Variants in HLCS observed in about 807,000 individuals in gnomAD.
HLCS encodes holocarboxylase synthetase.
HLCS carries 53 observed loss-of-function variants against 75.0 expected under a neutral mutation model. That is an observed-to-expected ratio of 0.71 (90% confidence interval 0.57 to 0.89). The LOEUF is 0.89. Ranked by LOEUF, HLCS falls within the 40% of genes least tolerant of loss-of-function variation. The pLI, the probability that HLCS is intolerant of heterozygous loss-of-function variation, is 0.00. For missense variants in HLCS, 966 were observed against 1,074.0 expected (o/e 0.90, Z 1.41); for synonymous variants, 431 against 428.6 (o/e 1.01, Z -0.07).
chr21:36,959,354 G>A (rs75919489), intron 2 of HLCS, among the ~76,000 whole-genome samples: 46 of 152,336 alleles, frequency 3.0e-4, no homozygotes, highest in East Asian at 2.9e-3. Context: ...TCTGGACCAC[G>A]AGGATGGGAG....
At chr21:36,866,447 T>C (rs1031769564) in intron 6 of HLCS, among the ~76,000 whole-genome samples, 19 of 152,212 alleles carry the variant, frequency 1.2e-4, no homozygotes, top group African/African-American at 4.6e-4. Flanking sequence ...CGTAAAAGAC[T>C]GGTGTAAAAA....
chr21:36,799,587 G>C (rs1460988162), intron 6 of HLCS, among the ~76,000 whole-genome samples: 1 of 152,222 alleles, frequency 6.6e-6, no homozygotes, highest in African/African-American at 2.4e-5. Flanking sequence ...TAAGGCAGGG[G>C]ACTAAGGGAC....
At chr21:36,956,504 A>G (rs1465797289) in intron 2 of HLCS, among the ~76,000 whole-genome samples, 6 of 152,088 alleles carry the variant, frequency 3.9e-5, no homozygotes, top group East Asian at 1.9e-4. Flanking sequence ...CGAGGTGGGC[A>G]AATCACAAGG....
At chr21:36,849,077 C>T (rs537091853) in intron 6 of HLCS, among the ~76,000 whole-genome samples, 20 of 152,256 alleles carry the variant, frequency 1.3e-4, no homozygotes, top group Non-Finnish European at 2.4e-4. Context: ...AAATCTAATC[C>T]TAAAATAATA....
chr21:36,934,506 A>G (rs551610615), intron 4 of HLCS, among the ~76,000 whole-genome samples: 2 of 152,344 alleles, frequency 1.3e-5, no homozygotes, highest in South Asian at 4.1e-4. Context: ...TTCATGGCAA[A>G]TTCCTGGTCC....
chr21:36,897,096 T>A lies in HLCS; in HGVS notation c.1656A>T (p.Lys552Asn). 6.2e-7 allele frequency: 1 copy of A among 1,614,124 alleles called. No homozygotes were observed. ...TTATTTCTCCCTCGGAGTCCACATG[T>A]TTCCCAAGCCACTGCATAAGAGGAT... is the stretch of plus-strand genomic sequence containing the variant. ...IRDPLMQWLG[K>N]HVDSEGEIKS... is the part of the protein sequence containing the mutation. The change falls in exon 6 of 11, where the codon AAA (lysine) becomes AAT (asparagine). Residue 552 changes from lysine to asparagine, a missense_variant. Lys to Asn is a moderately conservative substitution (Grantham distance 94, BLOSUM62 0). Coordinates refer to ENST00000674895, the MANE Select transcript of HLCS (RefSeq NM_001352514.2).
intron 1 of HLCS, among the ~76,000 whole-genome samples, chr21:36,966,239 G>A (rs1329413310): frequency 6.6e-6 from 1 of 152,166 alleles, no homozygotes; most frequent in Non-Finnish European, 1.5e-5. Flanking sequence ...GCCGGGAAGA[G>A]GCGACCGGGT....
chr21:36,972,689 T>G (rs1010754224), intron 1 of HLCS, among the ~76,000 whole-genome samples: 4 of 152,178 alleles, frequency 2.6e-5, no homozygotes, highest in African/African-American at 9.7e-5. Flanking sequence ...CTATGCATAT[T>G]TTTGGTCTTA....
intron 6 of HLCS, among the ~76,000 whole-genome samples, chr21:36,779,456 C>A (rs2060462863): frequency 6.6e-6 from 1 of 152,150 alleles, no homozygotes; most frequent in Non-Finnish European, 1.5e-5. Flanking sequence ...CCACAAGGTT[C>A]ATTCTAGCCC....
At chr21:36,835,336 T>TC (rs1157860236) in intron 6 of HLCS, among the ~76,000 whole-genome samples, 1 of 152,188 alleles carries the variant, frequency 6.6e-6, no homozygotes, top group African/African-American at 2.4e-5. Context: ...GCAAAAGCAA[T>TC]AATCATAACT....
At chr21:36,970,119 T>C (rs908814451), upstream of HLCS, among the ~76,000 whole-genome samples, 1 of 152,248 alleles carries the variant, frequency 6.6e-6, no homozygotes, top group African/African-American at 2.4e-5. Context: ...ATTAAATACA[T>C]GGCAGAACTT....
intron 2 of HLCS, among the ~76,000 whole-genome samples, chr21:36,959,385 G>A (rs1008971351): frequency 2.0e-5 from 3 of 152,230 alleles, no homozygotes; most frequent in African/African-American, 4.8e-5. Flanking sequence ...GAGGGGCTGA[G>A]GACGGCTGGT....
intron 6 of HLCS, among the ~76,000 whole-genome samples, chr21:36,870,019 T>A (rs1308979879): frequency 1.3e-5 from 2 of 152,216 alleles, no homozygotes; most frequent in African/African-American, 4.8e-5. Context: ...ACCTTTGAAT[T>A]GCAAAGAATC....
At chr21:36,855,999 G>A (rs1051909720) in intron 6 of HLCS, among the ~76,000 whole-genome samples, 15 of 152,122 alleles carry the variant, frequency 9.9e-5, no homozygotes, top group African/African-American at 3.4e-4. Context: ...CCATAGCTAT[G>A]AAATGTCCAG....
intron 6 of HLCS, among the ~76,000 whole-genome samples, chr21:36,786,000 A>G (rs991873242): frequency 1.1e-4 from 17 of 152,182 alleles, no homozygotes; most frequent in Admixed American, 9.2e-4. Flanking sequence ...AGCTGCAGGT[A>G]TCGACTACAG....
At chr21:36,856,773 C>A (rs916974243) in intron 6 of HLCS, among the ~76,000 whole-genome samples, 1 of 152,174 alleles carries the variant, frequency 6.6e-6, no homozygotes, top group Admixed American at 6.5e-5. Context: ...AGTTCCCTCA[C>A]CTCAAGTTAT....
intron 6 of HLCS, among the ~76,000 whole-genome samples, chr21:36,867,160 C>T (rs550681444): frequency 5.3e-5 from 8 of 152,268 alleles, no homozygotes; most frequent in South Asian, 2.1e-4. Flanking sequence ...AAACATCACA[C>T]ATGTACATAT....
intron 6 of HLCS, among the ~76,000 whole-genome samples, chr21:36,852,473 T>C (rs1446164104): frequency 6.6e-6 from 1 of 152,132 alleles, no homozygotes; most frequent in Non-Finnish European, 1.5e-5. Context: ...CCCAGACAAT[T>C]CTGGTCAGCA....
At chr21:36,933,777 G>A (rs368322798) in intron 4 of HLCS, among the ~76,000 whole-genome samples, 3 of 152,334 alleles carry the variant, frequency 2.0e-5, no homozygotes, top group South Asian at 4.1e-4. Context: ...GAAGGGATGA[G>A]AGGGGTGCTC....
Sources: allele counts gnomAD v4.1 joint callset (sites outside exome capture counted in the v4.1 genomes callset), GRCh38; gene constraint gnomAD v4.1.1; transcripts MANE v1.5; gene names NCBI Gene and HGNC (gene_info 2026-07-23, HGNC 2026-07-21).